Variants in KCTD3 observed in about 807,000 individuals in gnomAD.
KCTD3 encodes potassium channel tetramerization domain containing 3, also known as BTB/POZ domain-containing protein KCTD3.
A neutral mutation model predicts 85.8 loss-of-function variants in KCTD3; 41 were observed. The ratio of observed to expected loss-of-function variants is 0.48; its 90% CI spans 0.37 to 0.62. KCTD3 has a LOEUF of 0.62. KCTD3 is among the 20% of genes least tolerant of loss of function. The probability of loss-of-function intolerance (pLI) is 0.00; values close to 1 mark genes in which losing one functional copy is unlikely to be tolerated. For missense variants in KCTD3, 724 were observed against 989.9 expected, an observed-to-expected ratio of 0.73 and a Z score of 3.60; for synonymous variants, 338 against 345.4, an observed-to-expected ratio of 0.98 and a Z score of 0.24.
At chr1:215,584,651 A>G (rs1262819679) in intron 8 of KCTD3, among the ~76,000 whole-genome samples, 3 of 152,214 alleles carry the variant, frequency 2.0e-5, no homozygotes, top group Admixed American at 2.0e-4. Flanking sequence ...TAGACAAGAT[A>G]TGTGGCCAGT....
At position 215,574,082 on chromosome 1, in the gene KCTD3, T is replaced by C; in HGVS notation, c.147T>C (p.Ser49=). ...TATTAATGACTTCCAGTTTGCTGAG[T>C]GGGAGAATTTCAACACTTCGAGATG... ...IPDSFFSSLL[S]GRISTLRDET... The change falls in exon 3 of 18, where the codon AGT becomes AGC. Residue 49 remains serine, a synonymous_variant. Transcript: ENST00000259154. The C allele has an allele frequency of 1.3e-6, 2 of 1,589,258 alleles. No individual in the cohort carries two copies. Among genetic ancestry groups the C allele is most frequent in the Non-Finnish European group, 1.7e-6 (2 of 1,163,058 alleles).
intron 10 of KCTD3, among the ~76,000 whole-genome samples, chr1:215,600,193 T>G (rs1036382798): frequency 6.6e-6 from 1 of 152,218 alleles, no homozygotes; most frequent in East Asian, 1.9e-4. Context: ...GGCATGATGA[T>G]TGAGTTCTTT....
chr1:215,586,004 A>G (rs1193690305), intron 8 of KCTD3, among the ~76,000 whole-genome samples: 1 of 152,164 alleles, frequency 6.6e-6, no homozygotes. Flanking sequence ...ACAAAAAGCA[A>G]GAGATTCAGT....
intron 10 of KCTD3, 58 bp from the exon 11 acceptor site, chr1:215,601,809 C>G (rs1229470720): frequency 3.9e-6 from 4 of 1,030,344 alleles, no homozygotes; most frequent in East Asian, 4.9e-5. Context: ...AGGAAATTGA[C>G]CAGAAAATAG....
At chr1:215,599,538 T>TTATA (rs1332370739) in intron 10 of KCTD3, among the ~76,000 whole-genome samples, 1 of 152,136 alleles carries the variant, frequency 6.6e-6, no homozygotes, top group African/African-American at 2.4e-5. Context: ...CACTTCCATT[T>TTATA]TATATTTGTG....
At chr1:215,598,128 G>C (rs1654680126) in intron 10 of KCTD3, among the ~76,000 whole-genome samples, 1 of 152,010 alleles carries the variant, frequency 6.6e-6, no homozygotes. Context: ...AAGGCTCTGG[G>C]ATCTGGGATT....
intron 14 of KCTD3, among the ~76,000 whole-genome samples, chr1:215,608,464 C>G (rs1380128490): frequency 1.3e-5 from 2 of 151,838 alleles, no homozygotes; most frequent in African/African-American, 4.8e-5. Flanking sequence ...ATTATTAAAA[C>G]TATGATAACT....
intron 1 of KCTD3, among the ~76,000 whole-genome samples, chr1:215,568,821 AC>A (rs1440701236): frequency 6.6e-6 from 1 of 152,138 alleles, no homozygotes. Flanking sequence ...AACACAGAAA[AC>A]CATGGTACTT....
chr1:215,610,201 G>A (rs1571897857), intron 14 of KCTD3, among the ~76,000 whole-genome samples: 1 of 151,858 alleles, frequency 6.6e-6, no homozygotes, highest in East Asian at 1.9e-4. Context: ...AATGGGTAAT[G>A]GGGTAATAGA....
intron 15 of KCTD3, among the ~76,000 whole-genome samples, chr1:215,613,000 A>G (rs1655288085): frequency 6.6e-6 from 1 of 152,004 alleles, no homozygotes; most frequent in Admixed American, 6.6e-5. Flanking sequence ...GGGGCCGGGG[A>G]GAGAGAGAGC....
At chr1:215,567,925 AT>A (rs1659204907) in intron 1 of KCTD3, among the ~76,000 whole-genome samples, 157 bp downstream of exon 1, 1 of 151,914 alleles carries the variant, frequency 6.6e-6, no homozygotes, top group Non-Finnish European at 1.5e-5. Context: ...CGTCGGGCGG[AT>A]TTTGGAGCTG....
chr1:215,573,791 G>A lies in KCTD3; in HGVS notation c.89G>A (p.Ser30Asn). 1 of 1,567,864 alleles carries A rather than the reference G, an allele frequency of 6.4e-7. No individual in the cohort carries two copies. Among genetic ancestry groups the A allele is most frequent in the South Asian group, 1.2e-5 (1 of 85,660 alleles). The change falls in exon 2 of 18, where the codon AGT (serine) becomes AAT (asparagine). Residue 30 changes from serine to asparagine, a missense_variant. Transcript: ENST00000259154. The stretch of plus-strand genomic sequence containing the variant: ...CAGATGATTTTTAATTGCAGATTTA[G>A]TACCTCAAGACAAACTCTTATGTGG... Reference protein sequence around the residue: ...VQLNVGGTRFSTSRQTLMWIP... With the variant: ...VQLNVGGTRFNTSRQTLMWIP...
Position 215,571,863 on chromosome 1 carries a change from C to T in KCTD3, c.84-1923C>T, listed in dbSNP as rs571262680. On this transcript the variant is annotated intron_variant, in intron 1 of 17. Transcript: ENST00000259154. Reference sequence around the variant, plus strand: ...AGCCAGGATGGTCTCCATCTGCTGACCTCGTGATCTGCCCGCCTCGGCCTC... The same window carrying T: ...AGCCAGGATGGTCTCCATCTGCTGATCTCGTGATCTGCCCGCCTCGGCCTC... Among the ~76,000 whole-genome samples the T allele has an allele frequency of 8.5e-5, 13 of 152,324 alleles. No homozygotes were observed. The South Asian group carries it at 2.7e-3, about 32-fold the overall frequency.
intron 17 of KCTD3, 105 bp downstream of exon 17, chr1:215,619,396 G>A: frequency 1.0e-6 from 1 of 964,068 alleles, no homozygotes; most frequent in South Asian, 1.9e-5. Context: ...ACTTCTCAAG[G>A]TACATTTTAA....
chr1:215,593,063 A>G (rs77217914), intron 9 of KCTD3, among the ~76,000 whole-genome samples: 3 of 152,208 alleles, frequency 2.0e-5, no homozygotes, highest in African/African-American at 7.2e-5. Context: ...CACATAGCCC[A>G]TAATACTGAA....
At chr1:215,599,193 T>C (rs1347608626) in intron 10 of KCTD3, among the ~76,000 whole-genome samples, 1 of 152,156 alleles carries the variant, frequency 6.6e-6, no homozygotes, top group Non-Finnish European at 1.5e-5. Flanking sequence ...GGGTTTTTTT[T>C]CAGAGAGAAT....
At chr1:215,605,932 A>G (rs533745657) in intron 13 of KCTD3, among the ~76,000 whole-genome samples, 1 of 152,298 alleles carries the variant, frequency 6.6e-6, no homozygotes, top group South Asian at 2.1e-4. Flanking sequence ...TCTATGGTAC[A>G]TGTTCCACAC....
Position 215,586,640 on chromosome 1 carries a change from A to G in KCTD3, c.772A>G (p.Ile258Val). The part of the protein sequence containing the change: ...KMVAVASESS[I>V]ILWSVQDGGS... ...GGTTGCTGTTGCCTCAGAGAGTAGC[A>G]TCATCTTGTGGAGTGTTCAGGATGG... The change falls in exon 9 of 18, where the codon ATC (isoleucine) becomes GTC (valine). Residue 258 changes from isoleucine (I) to valine (V), a missense_variant. Ile to Val is a conservative substitution (Grantham distance 29). Coordinates refer to ENST00000259154, the MANE Select transcript of KCTD3 (RefSeq NM_016121.5). 6.2e-7 allele frequency: 1 copy of G among 1,614,140 alleles called. No individual in the cohort carries two copies. The highest frequency in any genetic ancestry group is 8.5e-7 in the Non-Finnish European group (1 of 1,180,000).
intron 1 of KCTD3, among the ~76,000 whole-genome samples, chr1:215,569,073 C>CACTGG (rs1659263477): frequency 6.6e-6 from 1 of 151,896 alleles, no homozygotes. Context: ...ACAATCCCTA[C>CACTGG]ACTGGTTTCT....
Sources: gnomAD v4.1 joint callset for allele counts (sites outside exome capture counted in the v4.1 genomes callset) on GRCh38, gnomAD v4.1.1 for gene constraint, MANE v1.5 for transcripts, NCBI Gene and HGNC (gene_info 2026-07-23, HGNC 2026-07-21) for gene names.